Variants in SLC18A1 observed in about 807,000 individuals in gnomAD.
SLC18A1 encodes chromaffin granule amine transporter.
Under a neutral mutation model 53.7 loss-of-function variants are expected in SLC18A1, and 69 were observed. That is an observed-to-expected ratio of 1.28 (90% confidence interval 1.06 to 1.57). SLC18A1 has a LOEUF of 1.57. SLC18A1 is among the 40% of genes most tolerant of loss of function. SLC18A1 has a pLI of 0.00. For synonymous variants in SLC18A1, 320 were observed against 248.1 expected, an observed-to-expected ratio of 1.29 and a Z score of -2.72; for missense variants, 932 against 668.1, an observed-to-expected ratio of 1.40 and a Z score of -4.35.
rs774865925 is a variant in SLC18A1, at chr8:20,179,126, G to A, written c.483C>T (p.Thr161=). 1.1e-5 allele frequency: 18 copies of A among 1,610,230 alleles called. No homozygotes were observed. The highest frequency in any genetic ancestry group is 1.7e-5 in the Admixed American group (1 of 59,862). ...CACTGCACCCAGTGAGATACCTGTT[G>A]GTGAGAGGGCCCACGAATGGGTTGA... is the stretch of plus-strand genomic sequence containing the variant. ...LLVNPFVGPL[T]NRIGYHIPMF... Residue 161 remains threonine (T), a synonymous_variant, in exon 3 of 16, where the codon ACC becomes ACT. Transcript: ENST00000276373.
chr8:20,159,826 C>G (rs2071778149), intron 10 of SLC18A1, among the ~76,000 whole-genome samples: 1 of 152,072 alleles, frequency 6.6e-6, no homozygotes, highest in Non-Finnish European at 1.5e-5. Context: ...TGATTATTAT[C>G]ATCATAACTC....
intron 8 of SLC18A1, 121 bp downstream of exon 8, chr8:20,170,982 T>A (rs1241554877): frequency 1.1e-6 from 1 of 917,636 alleles, no homozygotes; most frequent in East Asian, 2.4e-5. Flanking sequence ...CAAACACAGT[T>A]CTCACTTTCG....
In SLC18A1 at chr8:20,178,448, A is replaced by G. The variant is rs764387109; in HGVS notation, c.534T>C (p.Phe178=). The G allele has an allele frequency of 6.2e-7, 1 of 1,611,556 alleles. No homozygotes were observed. The highest frequency in any genetic ancestry group is 1.1e-5 in the South Asian group (1 of 90,266). The part of the protein sequence containing the change: ...IPMFAGFVIM[F]LSTVMFAFSG... Reference sequence around the variant, plus strand: ...CAAATTACTTACTAACTGTGGAGAGAAACATGATAACAAAGCCAGCAAACA... The same window carrying G: ...CAAATTACTTACTAACTGTGGAGAGGAACATGATAACAAAGCCAGCAAACA... Residue 178 remains phenylalanine (F), a synonymous_variant, in exon 4 of 16, where the codon TTT becomes TTC. Transcript: ENST00000276373.
rs373676006 is a variant in SLC18A1, at chr8:20,150,681, G to C, written c.1079C>G (p.Ala360Gly). ...LIGTNLFGVL[A>G]NKMGRWLCSL... ...GGCTACATACCGACCCATCTTGTTGGCCAACACACCAAAGAGGTTGGTGCC... is the reference window on the plus strand; with the variant it reads ...GGCTACATACCGACCCATCTTGTTGCCCAACACACCAAAGAGGTTGGTGCC... Residue 360 changes from alanine to glycine, a missense_variant, in exon 11 of 16, where the codon GCC becomes GGC. Ala to Gly is a moderately conservative substitution (Grantham distance 60). Coordinates refer to ENST00000276373, the MANE Select transcript of SLC18A1 (RefSeq NM_003053.4). 6 of 1,613,872 alleles carry C rather than the reference G, an allele frequency of 3.7e-6. No individual in the cohort carries two copies. The East Asian group carries it at 1.1e-4, about 30-fold the overall frequency.
intron 10 of SLC18A1, among the ~76,000 whole-genome samples, chr8:20,163,208 C>G (rs964165931): frequency 6.6e-6 from 1 of 152,118 alleles, no homozygotes; most frequent in African/African-American, 2.4e-5. Flanking sequence ...GTAAAGGGAG[C>G]TGAACTCCCC....
chr8:20,171,029 T>A lies in SLC18A1; in HGVS notation c.858+74A>T. The A allele has an allele frequency of 7.1e-6, 10 of 1,417,060 alleles. No individual in the cohort carries two copies. The South Asian group carries it at 1.2e-4, about 17-fold the overall frequency. The allele number at this position is 1,417,060 out of a possible 1,614,324, so 87.8% of individuals were successfully genotyped here. A position where few individuals can be genotyped will look rare whatever the true frequency, so the allele number is the denominator to read the frequency against. On this transcript the variant is annotated intron_variant, in intron 8 of 15. Coordinates refer to ENST00000276373, the MANE Select transcript of SLC18A1 (RefSeq NM_003053.4). ...CCTCTTCACTTTTCTTCTTATGGTTTGGCAGGCATGCCTGGGTTCCTGCAT... is the reference window on the plus strand; with the variant it reads ...CCTCTTCACTTTTCTTCTTATGGTTAGGCAGGCATGCCTGGGTTCCTGCAT...
rs1420457365 is a variant in SLC18A1, at chr8:20,156,574, A to G, written c.1016-5830T>C. Among the ~76,000 whole-genome samples the G allele has an allele frequency of 2.0e-5, 3 of 152,304 alleles. No homozygotes were observed. In the East Asian group the frequency reaches 5.8e-4, roughly 29 times the overall value. ...ATTGCCTAATAATTGGTCTGCTCAA[A>G]GGTGTGAGCTGTTTGCATTCAGCCA... On this transcript the variant is annotated intron_variant, in intron 10 of 15. Coordinates refer to ENST00000276373, the MANE Select transcript of SLC18A1 (RefSeq NM_003053.4).
intron 8 of SLC18A1, among the ~76,000 whole-genome samples, chr8:20,166,855 A>G (rs1281554477): frequency 6.6e-6 from 1 of 152,102 alleles, no homozygotes; most frequent in Non-Finnish European, 1.5e-5. Flanking sequence ...CCTTATAAAA[A>G]GAGGAAGGGA....
chr8:20,173,712 A>G (rs1165473911), intron 5 of SLC18A1, among the ~76,000 whole-genome samples: 6 of 152,166 alleles, frequency 3.9e-5, no homozygotes, highest in East Asian at 1.9e-4. Context: ...GATTATTCCT[A>G]TAAAGTACTA....
intron 10 of SLC18A1, among the ~76,000 whole-genome samples, chr8:20,157,298 G>T (rs1585199312): frequency 6.6e-6 from 1 of 152,248 alleles, no homozygotes; most frequent in Middle Eastern, 3.4e-3. Context: ...ATGAAAGAAG[G>T]GCAGCTATAA....
intron 10 of SLC18A1, among the ~76,000 whole-genome samples, chr8:20,154,066 CCTCCTGAGGCCCT>C (rs1444850883): frequency 6.6e-6 from 1 of 152,118 alleles, no homozygotes; most frequent in East Asian, 1.9e-4. Flanking sequence ...AAGAGCTGGG[CCTCCTGAGGCCCT>C]CACCAGAGGC....
chr8:20,174,518 C>T, intron 4 of SLC18A1, 74 bp from the exon 5 acceptor site: 1 of 912,848 alleles, frequency 1.1e-6, no homozygotes, highest in Non-Finnish European at 1.8e-6. Flanking sequence ...GAGAACATGC[C>T]CGTGATACTG....
At chr8:20,153,217 C>CG (rs1033943049) in intron 10 of SLC18A1, among the ~76,000 whole-genome samples, 6 of 142,036 alleles carry the variant, frequency 4.2e-5, no homozygotes, top group Admixed American at 6.8e-5. Context: ...CGTGGTTGTG[C>CG]GTTTTTTTTG....
At position 20,179,149 on chromosome 8, in the gene SLC18A1, T is replaced by C. The variant is rs1271819265; in HGVS notation, c.460A>G (p.Asn154Asp). ...ASKAVMQLLV[N>D]PFVGPLTNRI... ...TTGGTGAGAGGGCCCACGAATGGGTTGACCAGAAGTTGCATCACAGCCTTT... is the reference window on the plus strand; with the variant it reads ...TTGGTGAGAGGGCCCACGAATGGGTCGACCAGAAGTTGCATCACAGCCTTT... Residue 154 changes from asparagine (N) to aspartate (D), a missense_variant, in exon 3 of 16, where the codon AAC (asparagine) becomes GAC (aspartate). By Grantham distance (23) the Asn-to-Asp change is conservative (BLOSUM62 1). Transcript: ENST00000276373. 6.2e-7 allele frequency: 1 copy of C among 1,613,600 alleles called. No homozygotes were observed. Among genetic ancestry groups the C allele is most frequent in the African/African-American group, 1.3e-5 (1 of 75,054 alleles).
At chr8:20,177,222 A>G (rs1333615332) in intron 4 of SLC18A1, among the ~76,000 whole-genome samples, 1 of 152,242 alleles carries the variant, frequency 6.6e-6, no homozygotes, top group Non-Finnish European at 1.5e-5. Flanking sequence ...AACAAGACGT[A>G]GTTCTCAGAG....
intron 10 of SLC18A1, among the ~76,000 whole-genome samples, chr8:20,159,907 C>T (rs2071779932): frequency 6.6e-6 from 1 of 152,072 alleles, no homozygotes; most frequent in African/African-American, 2.4e-5. Context: ...TATGCCACAC[C>T]CCCAGCGTGG....
At chr8:20,169,526 T>C (rs1194618823) in intron 8 of SLC18A1, among the ~76,000 whole-genome samples, 1 of 152,142 alleles carries the variant, frequency 6.6e-6, no homozygotes, top group Non-Finnish European at 1.5e-5. Context: ...ATACAATCAA[T>C]CTACTGTCAA....
At chr8:20,146,490 G>A (rs1316643773) in intron 15 of SLC18A1, among the ~76,000 whole-genome samples, 1 of 152,140 alleles carries the variant, frequency 6.6e-6, no homozygotes, top group Non-Finnish European at 1.5e-5. Context: ...TTGTTCCCTT[G>A]AGCAGCCTCT....
At chr8:20,146,524 C>T (rs879299714) in intron 15 of SLC18A1, among the ~76,000 whole-genome samples, 1 of 152,130 alleles carries the variant, frequency 6.6e-6, no homozygotes, top group Non-Finnish European at 1.5e-5. Flanking sequence ...ACCCATCAGG[C>T]CCTCAGGATG....
Sources: gnomAD v4.1 joint callset for allele counts (sites outside exome capture counted in the v4.1 genomes callset) on GRCh38, gnomAD v4.1.1 for gene constraint, MANE v1.5 for transcripts, NCBI Gene and HGNC (gene_info 2026-07-23, HGNC 2026-07-21) for gene names.